The following NRG1 variants were observed in gnomAD, a reference collection of about 807,000 sequenced individuals.
The protein encoded by NRG1 is neuregulin 1.
In NRG1, 18 loss-of-function variants were observed where a neutral mutation model predicts 63.8. The ratio of observed to expected loss-of-function variants is 0.28; its 90% CI spans 0.19 to 0.42. NRG1 has a LOEUF of 0.42. NRG1 is among the 10% of genes least tolerant of loss of function. The probability of loss-of-function intolerance (pLI) is 1.00; values close to 1 mark genes in which losing one functional copy is unlikely to be tolerated. For synonymous variants in NRG1, 302 were observed against 301.3 expected, an observed-to-expected ratio of 1.00 and a Z score of -0.02; for missense variants, 762 against 814.7, an observed-to-expected ratio of 0.94 and a Z score of 0.79.
chr8:31,675,545 TTATC>T (rs1329257678), intron 1 of NRG1, among the ~76,000 whole-genome samples: 1 of 152,176 alleles, frequency 6.6e-6, no homozygotes, highest in East Asian at 1.9e-4. Context: ...TGGAGAAATG[TTATC>T]AAGTCCAATT....
intron 1 of NRG1, among the ~76,000 whole-genome samples, chr8:31,928,669 C>T (rs969618373): frequency 5.3e-5 from 8 of 151,832 alleles, no homozygotes; most frequent in African/African-American, 1.9e-4. Context: ...CACACACACA[C>T]ACCATGAAAT....
intron 1 of NRG1, among the ~76,000 whole-genome samples, chr8:32,014,747 A>G (rs1815254529): frequency 6.7e-6 from 1 of 148,794 alleles, no homozygotes. Flanking sequence ...GAAGTCTTAA[A>G]TCCCAACACC....
chr8:31,834,908 T>C (rs1200677532), intron 1 of NRG1, among the ~76,000 whole-genome samples: 1 of 152,212 alleles, frequency 6.6e-6, no homozygotes, highest in Admixed American at 6.5e-5. Flanking sequence ...TATGCAACTG[T>C]ACATTTAACC....
intron 1 of NRG1, among the ~76,000 whole-genome samples, chr8:32,053,074 A>T (rs546721277): frequency 2.0e-5 from 3 of 152,208 alleles, no homozygotes; most frequent in Non-Finnish European, 4.4e-5. Context: ...AAGAATAAGA[A>T]TGAATGATGA....
chr8:32,335,270 A>G (rs1803123491), intron 1 of NRG1, among the ~76,000 whole-genome samples: 2 of 152,326 alleles, frequency 1.3e-5, no homozygotes, highest in African/African-American at 4.8e-5. Context: ...TACATGGTGC[A>G]TGCGAATTTT....
At chr8:32,643,811 C>A (rs2129546157) in intron 5 of NRG1, among the ~76,000 whole-genome samples, 1 of 152,220 alleles carries the variant, frequency 6.6e-6, no homozygotes, top group African/African-American at 2.4e-5. Flanking sequence ...TTGTAGAAGT[C>A]TTATTTTGGA....
intron 1 of NRG1, among the ~76,000 whole-genome samples, chr8:31,712,719 G>A (rs368847018): frequency 7.9e-5 from 12 of 151,984 alleles, no homozygotes; most frequent in East Asian, 7.7e-4. Context: ...TATAGTAACC[G>A]CATATCAGTG....
At chr8:32,728,621 AAAG>A in intron 6 of NRG1, 1 of 985,016 alleles carries the variant, frequency 1.0e-6, no homozygotes, top group Middle Eastern at 5.2e-4. Flanking sequence ...GCTAGTAAAA[AAAG>A]AGAAAAAAGT....
chr8:32,716,386 A>C (rs1256955315), intron 5 of NRG1, among the ~76,000 whole-genome samples: 1 of 152,190 alleles, frequency 6.6e-6, no homozygotes, highest in East Asian at 1.9e-4. Flanking sequence ...TTTGATTTTT[A>C]GGTGGCTTTG....
intron 1 of NRG1, among the ~76,000 whole-genome samples, chr8:32,155,688 T>A (rs1446818677): frequency 2.0e-5 from 3 of 152,236 alleles, no homozygotes; most frequent in Admixed American, 6.5e-5. Flanking sequence ...AATTCTTACA[T>A]GACTATAACA....
chr8:32,339,720 G>C (rs2129478207), intron 1 of NRG1, among the ~76,000 whole-genome samples: 1 of 152,210 alleles, frequency 6.6e-6, no homozygotes, highest in South Asian at 2.1e-4. Context: ...CATTTTGATT[G>C]CCTGTAGTCA....
chr8:31,942,336 G>A (rs2129621209), intron 1 of NRG1, among the ~76,000 whole-genome samples: 1 of 152,260 alleles, frequency 6.6e-6, no homozygotes, highest in South Asian at 2.1e-4. Flanking sequence ...CAAGCCACAT[G>A]TAGAGGAATG....
At chr8:32,159,830 A>G (rs1838629495) in intron 1 of NRG1, among the ~76,000 whole-genome samples, 1 of 152,158 alleles carries the variant, frequency 6.6e-6, no homozygotes, top group Non-Finnish European at 1.5e-5. Context: ...TTCAAATAAT[A>G]TATATTTTTA....
chr8:32,472,210 G>A (rs1019861580), intron 1 of NRG1, among the ~76,000 whole-genome samples: 3 of 152,158 alleles, frequency 2.0e-5, no homozygotes, highest in Admixed American at 6.5e-5. Context: ...TCACTCTGTC[G>A]CCCAGGCTAG....
At chr8:32,320,877 G>T (rs1267485779) in intron 1 of NRG1, among the ~76,000 whole-genome samples, 1 of 152,114 alleles carries the variant, frequency 6.6e-6, no homozygotes, top group Non-Finnish European at 1.5e-5. Context: ...TGATACTAGC[G>T]ATCAACAGCT....
chr8:32,278,536 C>A (rs144444908), intron 1 of NRG1, among the ~76,000 whole-genome samples: 28 of 152,294 alleles, frequency 1.8e-4, no homozygotes, highest in African/African-American at 6.0e-4. Context: ...AATTTCAATT[C>A]TTGGGTTTCT....
chr8:32,251,938 T>C (rs1340244062), intron 1 of NRG1, among the ~76,000 whole-genome samples: 1 of 152,188 alleles, frequency 6.6e-6, no homozygotes, highest in East Asian at 1.9e-4. Context: ...TGAGTTGCAT[T>C]TCTCTAATGA....
intron 1 of NRG1, among the ~76,000 whole-genome samples, chr8:31,809,716 T>C (rs938146297): frequency 6.6e-6 from 1 of 151,168 alleles, no homozygotes; most frequent in African/African-American, 2.4e-5. Context: ...TATTTCAAGA[T>C]TTTTTTCTAC....
At chr8:32,170,275 A>C (rs900526937) in intron 1 of NRG1, among the ~76,000 whole-genome samples, 1 of 152,214 alleles carries the variant, frequency 6.6e-6, no homozygotes, top group African/African-American at 2.4e-5. Context: ...AAAAGGGAGA[A>C]ACAGGTTTAG....
Sources: allele counts gnomAD v4.1 joint callset (sites outside exome capture counted in the v4.1 genomes callset), GRCh38; gene constraint gnomAD v4.1.1; transcripts MANE v1.5; gene names NCBI Gene and HGNC (gene_info 2026-07-23, HGNC 2026-07-21).